The following NRTN variants were observed in gnomAD, a reference collection of about 807,000 sequenced individuals.
NRTN encodes neurturin.
In NRTN, 3 loss-of-function variants were observed where a neutral mutation model predicts 7.5. That is an observed-to-expected ratio of 0.40 (90% confidence interval 0.18 to 1.03). The LOEUF (loss-of-function observed/expected upper bound fraction) is 1.03. Ranked by LOEUF, NRTN falls within the 50% of genes least tolerant of loss-of-function variation. NRTN has a pLI of 0.34. For missense variants in NRTN, 310 were observed against 307.0 expected (o/e 1.01, Z -0.07); for synonymous variants, 157 against 146.6 (o/e 1.07, Z -0.51).
intron 2 of NRTN, among the ~76,000 whole-genome samples, chr19:5,827,323 C>A (rs1022931294): frequency 2.0e-5 from 3 of 150,588 alleles, no homozygotes; most frequent in Non-Finnish European, 4.4e-5. Context: ...AGCATAGGGG[C>A]GGGGTCCAGA....
intron 1 of NRTN, among the ~76,000 whole-genome samples, chr19:5,808,849 G>A (rs1189491038): frequency 1.3e-5 from 2 of 149,700 alleles, no homozygotes; most frequent in African/African-American, 4.9e-5. Flanking sequence ...TCCGCCTCCC[G>A]GGTTCACACC....
In NRTN at chr19:5,824,043, C is replaced by A; in HGVS notation, c.-123C>A. ...GGACCATTCCCATGTGATTATCGAC[C>A]ATTCGGCAGGCGTTCAAAGTCAAAG... On this transcript the variant is annotated 5_prime_UTR_variant, in exon 2 of 3. Transcript: ENST00000303212. 8.0e-7 allele frequency: 1 copy of A among 1,254,666 alleles called. No individual in the cohort carries two copies. The highest frequency in any genetic ancestry group is 1.1e-6 in the Non-Finnish European group (1 of 877,370). The allele number at this position is 1,254,666 out of a possible 1,614,324, so 77.7% of individuals were successfully genotyped here.
chr19:5,810,143 T>C (rs1199906978), intron 1 of NRTN, among the ~76,000 whole-genome samples: 2 of 151,262 alleles, frequency 1.3e-5, no homozygotes, highest in African/African-American at 4.9e-5. Flanking sequence ...GGCAGGCACC[T>C]GTAGTCCCAG....
chr19:5,821,665 G>A (rs1041171473), intron 1 of NRTN, among the ~76,000 whole-genome samples: 4 of 151,442 alleles, frequency 2.6e-5, no homozygotes, highest in African/African-American at 4.9e-5. Context: ...GTCTATGAGC[G>A]CCTACTCTGA....
chr19:5,818,183 C>T (rs777233374), intron 1 of NRTN, among the ~76,000 whole-genome samples: 1 of 152,086 alleles, frequency 6.6e-6, no homozygotes, highest in Non-Finnish European at 1.5e-5. Flanking sequence ...AGGTTGGTCT[C>T]GAACTCCTGA....
At position 5,824,313 on chromosome 19, in the gene NRTN, C is replaced by A. The variant is rs1229911373; in HGVS notation, c.148C>A (p.Arg50=). The change falls in exon 2 of 3, where the codon CGG becomes AGG. Residue 50 remains arginine, a synonymous_variant. Coordinates refer to ENST00000303212, the MANE Select transcript of NRTN (RefSeq NM_004558.5). ...CCGCCTGCCTCGAACCCTGGACGCC[C>A]GGATTGCCCGCCTGGCCCAGTGTAA... The part of the protein sequence containing the change: ...LHRLPRTLDA[R]IARLAQYRAL... 5 of 1,605,064 alleles carry A rather than the reference C, an allele frequency of 3.1e-6. No homozygotes were observed. The highest frequency in any genetic ancestry group is 1.1e-5 in the South Asian group (1 of 89,854).
At chr19:5,805,558 G>A (rs1331141505) in intron 1 of NRTN, among the ~76,000 whole-genome samples, 107 bp downstream of exon 1, 1 of 152,010 alleles carries the variant, frequency 6.6e-6, no homozygotes, top group East Asian at 1.9e-4. Flanking sequence ...AGTAGACCAG[G>A]GGATTCCCTC....
intron 2 of NRTN, among the ~76,000 whole-genome samples, chr19:5,826,184 C>T (rs931934570): frequency 2.6e-5 from 4 of 152,126 alleles, no homozygotes; most frequent in Admixed American, 6.5e-5. Context: ...CAGATTTAGC[C>T]GGGCACCTGT....
chr19:5,818,901 C>T (rs2057014390), intron 1 of NRTN, among the ~76,000 whole-genome samples: 1 of 152,012 alleles, frequency 6.6e-6, no homozygotes, highest in Non-Finnish European at 1.5e-5. Flanking sequence ...CGATTTCCTG[C>T]CCTCCACCAG....
chr19:5,820,091 C>T (rs2057018306), intron 1 of NRTN, among the ~76,000 whole-genome samples: 1 of 148,036 alleles, frequency 6.8e-6, no homozygotes, highest in South Asian at 2.1e-4. Flanking sequence ...ATGGTGAAAC[C>T]CTGTCTCTAC....
chr19:5,809,454 G>A (rs2144755642), intron 1 of NRTN, among the ~76,000 whole-genome samples: 1 of 151,976 alleles, frequency 6.6e-6, no homozygotes, highest in South Asian at 2.1e-4. Flanking sequence ...TTCCAAGCAT[G>A]AGCCACTCTG....
intron 1 of NRTN, among the ~76,000 whole-genome samples, chr19:5,816,672 G>A (rs745791473): frequency 2.0e-5 from 3 of 151,730 alleles, no homozygotes; most frequent in Admixed American, 6.6e-5. Flanking sequence ...GTGAGCCACC[G>A]TGCCCCGTCT....
intron 1 of NRTN, among the ~76,000 whole-genome samples, chr19:5,822,456 A>T (rs984496478): frequency 6.6e-6 from 1 of 152,210 alleles, no homozygotes; most frequent in Non-Finnish European, 1.5e-5. Context: ...GGGCCGCGGG[A>T]CGCTCGGGAG....
chr19:5,818,024 G>A (rs895973247), intron 1 of NRTN, among the ~76,000 whole-genome samples: 3 of 146,464 alleles, frequency 2.0e-5, no homozygotes, highest in Non-Finnish European at 3.0e-5. Context: ...AGTGCAGTGG[G>A]GAGATCTCAG....
chr19:5,827,382 G>A (rs1441192584), intron 2 of NRTN, among the ~76,000 whole-genome samples: 1 of 152,062 alleles, frequency 6.6e-6, no homozygotes, highest in African/African-American at 2.4e-5. Context: ...TGGGGTGAGA[G>A]AGGGGCCCAG....
chr19:5,815,790 G>A (rs1186818169), intron 1 of NRTN, among the ~76,000 whole-genome samples: 2 of 147,992 alleles, frequency 1.4e-5, no homozygotes, highest in Admixed American at 6.8e-5. Context: ...TATTGCCCAG[G>A]CTGGAGTGCA....
chr19:5,816,504 G>C (rs538879441), intron 1 of NRTN, among the ~76,000 whole-genome samples: 12 of 152,220 alleles, frequency 7.9e-5, no homozygotes, highest in African/African-American at 2.9e-4. Flanking sequence ...TCAGCCTCCT[G>C]AGTAGCTGGG....
intron 1 of NRTN, among the ~76,000 whole-genome samples, chr19:5,807,004 G>A (rs967943875): frequency 1.3e-5 from 2 of 152,230 alleles, no homozygotes; most frequent in African/African-American, 4.8e-5. Flanking sequence ...GGGACACAGG[G>A]CTGGGGAAGC....
chr19:5,810,064 G>C (rs1197352157), intron 1 of NRTN, among the ~76,000 whole-genome samples: 2 of 151,708 alleles, frequency 1.3e-5, no homozygotes, highest in East Asian at 3.9e-4. Context: ...AGGAGATCAA[G>C]ACCATCCTAG....
Sources: allele counts gnomAD v4.1 joint callset (sites outside exome capture counted in the v4.1 genomes callset), GRCh38; gene constraint gnomAD v4.1.1; transcripts MANE v1.5; gene names NCBI Gene and HGNC (gene_info 2026-07-23, HGNC 2026-07-21).